LARGE1: variants seen among roughly 807,000 people sequenced by gnomAD.
LARGE1 encodes the protein LARGE xylosyl- and glucuronyltransferase 1.
A neutral mutation model predicts 87.6 loss-of-function variants in LARGE1; 43 were observed. The ratio of observed to expected loss-of-function variants is 0.49; its 90% CI spans 0.38 to 0.63. The LOEUF (loss-of-function observed/expected upper bound fraction) is 0.63. Among genes scored for constraint, LARGE1 ranks in the 30% least tolerant of loss-of-function variants. The probability of loss-of-function intolerance (pLI) is 0.00; values close to 1 mark genes in which losing one functional copy is unlikely to be tolerated. For missense variants in LARGE1, 802 were observed against 1,000.2 expected (o/e 0.80, Z 2.67); for synonymous variants, 434 against 394.6 (o/e 1.10, Z -1.18).
At position 33,529,499 on chromosome 22, in the gene LARGE1, C is replaced by A. The variant is rs561181981; in HGVS notation, c.787+35349G>T. 1.4e-3 allele frequency among the ~76,000 whole-genome samples: 208 copies of A among 152,334 alleles called. 2 individuals carry two copies. The highest frequency in any genetic ancestry group is 1.7e-3 in the Non-Finnish European group (113 of 68,040). On this transcript the variant is annotated intron_variant, in intron 6 of 14. Transcript: ENST00000397394. ...ATACACAAGACAAAAGCAGCCCCAA[C>A]GTGCCTAGCTATTAACCGGGTCAGA...
chr22:33,631,781 T>C lies in LARGE1; in HGVS notation c.409-5455A>G, dbSNP rs576879827. Among the ~76,000 whole-genome samples, 5 of 152,374 alleles carry C rather than the reference T, an allele frequency of 3.3e-5. No individual in the cohort carries two copies. In the South Asian group the frequency reaches 1.0e-3, roughly 32 times the overall value. ...TTTTCTCTCTAGTATTATTATGTAC[T>C]GTACATAATTGCGCTATAGTTTTAT... On this transcript the variant is annotated intron_variant, in intron 3 of 14. Transcript: ENST00000397394.
In LARGE1 at chr22:33,885,204, C is replaced by T. The variant is rs572875645; in HGVS notation, c.-83+34791G>A. Among the ~76,000 whole-genome samples, 68 of 92,374 alleles carry T rather than the reference C, an allele frequency of 7.4e-4. 1 individual carries two copies. Among genetic ancestry groups the T allele is most frequent in the South Asian group, 6.1e-3 (19 of 3,112 alleles). The allele number at this position is 92,374 out of a possible 152,430, so 60.6% of individuals were successfully genotyped here. On this transcript the variant is annotated intron_variant, in intron 1 of 14. Transcript: ENST00000397394. ...GGCACAAGGGTGTGTGTTCCACAGG[C>T]GATACCATGCTTCCTATACCAGTGA...
At chr22:33,503,884 G>A (rs1056382146) in intron 6 of LARGE1, among the ~76,000 whole-genome samples, 4 of 152,212 alleles carry the variant, frequency 2.6e-5, no homozygotes, top group African/African-American at 4.8e-5. Context: ...AATGTCAGTC[G>A]AACCGATGAA....
intron 5 of LARGE1, 137 bp downstream of exon 5, chr22:33,604,298 G>A (rs2079190332): frequency 1.8e-6 from 2 of 1,132,754 alleles, no homozygotes; most frequent in South Asian, 2.6e-5. Flanking sequence ...AGATTCTGCT[G>A]GCAAACAACT....
At chr22:33,233,889 C>T (rs78524721) in intron 11 of LARGE1, among the ~76,000 whole-genome samples, 2,879 of 152,266 alleles carry the variant, frequency 0.019, 52 homozygotes, top group Admixed American at 0.047. Context: ...GTTCTTCCTG[C>T]CATTCAGATT....
intron 7 of LARGE1, among the ~76,000 whole-genome samples, chr22:33,423,160 C>T (rs1350692750): frequency 6.6e-6 from 1 of 152,074 alleles, no homozygotes; most frequent in East Asian, 1.9e-4. Context: ...TCATGAAATG[C>T]CGAGTGCTGG....
At chr22:33,286,293 G>C (rs755411759) in intron 12 of LARGE1, among the ~76,000 whole-genome samples, 1 of 152,172 alleles carries the variant, frequency 6.6e-6, no homozygotes, top group South Asian at 2.1e-4. Flanking sequence ...TATTGGATAG[G>C]GGCAGAGCTA....
In LARGE1 at chr22:33,185,043, C is replaced by T. The variant is rs1301806301; in HGVS notation, c.1731-18211G>A. Among the ~76,000 whole-genome samples the T allele has an allele frequency of 3.3e-5, 5 of 152,164 alleles. No homozygotes were observed. In the East Asian group the frequency reaches 9.6e-4, roughly 29 times the overall value. ...AATTTAGTGTATGATCCAGCAATCA[C>T]TCTCTCTGGTATTTATCTAAGTGAA... On this transcript the variant is annotated intron_variant, in intron 11 of 11. Transcript: ENST00000608642.
At chr22:33,107,969 C>T in the LARGE1 span, among the ~76,000 whole-genome samples, 1 of 151,702 alleles carries the variant, frequency 6.6e-6, no homozygotes, top group Non-Finnish European at 1.5e-5. Flanking sequence ...TTAAAATAAG[C>T]AAAATTTGAG....
At chr22:33,756,371 C>T (rs145917667) in intron 2 of LARGE1, among the ~76,000 whole-genome samples, 58 of 152,180 alleles carry the variant, frequency 3.8e-4, no homozygotes, top group Middle Eastern at 3.4e-3. Context: ...GCTGTGAAAA[C>T]AAAAGATTAT....
At chr22:33,836,375 T>C (rs897708208) in intron 1 of LARGE1, among the ~76,000 whole-genome samples, 2 of 152,192 alleles carry the variant, frequency 1.3e-5, no homozygotes, top group Admixed American at 6.5e-5. Context: ...GTCAACTGTG[T>C]TAGTCTCCCC....
intron 5 of LARGE1, among the ~76,000 whole-genome samples, chr22:33,599,487 G>A (rs1369557969): frequency 6.6e-6 from 1 of 152,164 alleles, no homozygotes; most frequent in Non-Finnish European, 1.5e-5. Flanking sequence ...AATGGGCCAT[G>A]TAAACATTGG....
chr22:33,817,599 C>T (rs1207666969), intron 1 of LARGE1, among the ~76,000 whole-genome samples: 1 of 152,086 alleles, frequency 6.6e-6, no homozygotes, highest in Non-Finnish European at 1.5e-5. Flanking sequence ...GAAGGGACCA[C>T]AGAGAGGTAA....
intron 6 of LARGE1, among the ~76,000 whole-genome samples, chr22:33,504,444 G>C (rs2070667434): frequency 6.6e-6 from 1 of 152,182 alleles, no homozygotes; most frequent in Admixed American, 6.6e-5. Context: ...ATTTTTAGTA[G>C]AGACAGGGTT....
At chr22:33,676,340 A>AACCTACACATCATATGTTAC (rs2081575554) in intron 2 of LARGE1, among the ~76,000 whole-genome samples, 1 of 144,714 alleles carries the variant, frequency 6.9e-6, no homozygotes, top group Non-Finnish European at 1.5e-5. Context: ...CAGCAGGTTA[A>AACCTACACATCATATGTTAC]ACCTACACAT....
intron 2 of LARGE1, among the ~76,000 whole-genome samples, chr22:33,662,915 T>G (rs1262229243): frequency 6.6e-6 from 1 of 152,194 alleles, no homozygotes; most frequent in Non-Finnish European, 1.5e-5. Context: ...TAAGTGACTG[T>G]CCTCCTTTTT....
intron 1 of LARGE1, among the ~76,000 whole-genome samples, chr22:33,909,956 T>A (rs1297719708): frequency 6.6e-6 from 1 of 152,220 alleles, no homozygotes; most frequent in Non-Finnish European, 1.5e-5. Context: ...TCCATTCAGA[T>A]TTTAACTGTC....
rs2146570024 is a variant in LARGE1 at position 33,337,643 on chromosome 22, T to TA, written c.1287+2dup. On this transcript the variant is annotated splice_region_variant and intron_variant, in intron 10 of 14. Transcript: ENST00000397394. ...TCCCTGCCCAGCCTTGCGAGCCACT[T>TA]ACGTTTTCACTGTTGACATCAGCCT... The TA allele has an allele frequency of 1.2e-6, 2 of 1,614,066 alleles. No individual in the cohort carries two copies. The highest frequency in any genetic ancestry group is 2.2e-5 in the East Asian group (1 of 44,860).
At chr22:33,498,737 C>T (rs1047035116) in intron 6 of LARGE1, among the ~76,000 whole-genome samples, 24 of 152,038 alleles carry the variant, frequency 1.6e-4, no homozygotes, top group Admixed American at 1.4e-3. Flanking sequence ...TTTGGGAGGC[C>T]GAGGTGGGCG....
Sources: allele counts gnomAD v4.1 joint callset (sites outside exome capture counted in the v4.1 genomes callset), GRCh38; gene constraint gnomAD v4.1.1; transcripts MANE v1.5; gene names NCBI Gene and HGNC (gene_info 2026-07-23, HGNC 2026-07-21).